The following NEXMIF variants were observed in gnomAD, a reference collection of about 807,000 sequenced individuals.
NEXMIF encodes the protein neurite extension and migration factor.
Under a neutral mutation model 62.1 loss-of-function variants are expected in NEXMIF, and 8 were observed. That is an observed-to-expected ratio of 0.13 (90% CI 0.08 to 0.23). NEXMIF has a LOEUF of 0.23. Ranked by LOEUF, NEXMIF falls within the 10% of genes least tolerant of loss-of-function variation. NEXMIF has a pLI of 1.00. For synonymous variants in NEXMIF, 404 were observed against 416.6 expected (o/e 0.97, Z 0.37); for missense variants, 976 against 1,113.3 (o/e 0.88, Z 1.75).
intron 1 of NEXMIF, among the ~76,000 whole-genome samples, chrX:74,918,363 A>G (rs905317701): frequency 8.9e-6 from 1 of 112,134 alleles, no homozygotes; most frequent in African/African-American, 3.2e-5. Flanking sequence ...GCACATCTTC[A>G]GGATGTGTTC....
In NEXMIF at chrX:74,733,496, A is replaced by G. The variant is rs1237610370; in HGVS notation, c.*5909T>C. 6 of 112,299 alleles carry G rather than the reference A, an allele frequency of 5.3e-5. No homozygotes were observed. The highest frequency in any genetic ancestry group is 1.1e-4 in the Non-Finnish European group (6 of 53,239). 9.3% of individuals were successfully genotyped at this position (112,299 alleles called of 1,213,427 possible). On this transcript the variant is annotated 3_prime_UTR_variant, in exon 4 of 4. Transcript: ENST00000055682. The stretch of plus-strand genomic sequence containing the variant: ...AGTTTGAGAAACACTGCTCTAGATG[A>G]TAAAGAACGTTTTATTTGGGACATA...
At chrX:74,910,126 A>G (rs976531308) in intron 1 of NEXMIF, among the ~76,000 whole-genome samples, 1 of 112,028 alleles carries the variant, frequency 8.9e-6, no homozygotes, top group Non-Finnish European at 1.9e-5. Context: ...GAAGAGGCCC[A>G]CCATCCTCCA....
At chrX:74,815,105 T>C (rs2080371931) in intron 1 of NEXMIF, among the ~76,000 whole-genome samples, 1 of 112,716 alleles carries the variant, frequency 8.9e-6, no homozygotes, top group South Asian at 3.6e-4. Context: ...GACACATAGG[T>C]ATGTAATTAA....
intron 1 of NEXMIF, among the ~76,000 whole-genome samples, chrX:74,802,431 G>A (rs1211335161): frequency 9.0e-6 from 1 of 111,033 alleles, no homozygotes; most frequent in Admixed American, 9.6e-5. Context: ...GTAATCCAGA[G>A]AATTCTTTCA....
Position 74,740,231 on chromosome X carries a change from C to T in NEXMIF, c.4326G>A (p.Pro1442=), listed in dbSNP as rs141163613. The stretch of plus-strand genomic sequence containing the variant: ...TGTGACGATACAACTTTTTGTGTGT[C>T]GGTCCGTTATTGCCTAAAGTGCTCA... ...SNMSTLGNNG[P]THKKLYRHKS... The change falls in exon 3 of 4, where the codon CCG becomes CCA. Residue 1442 remains proline, a synonymous_variant. Coordinates refer to ENST00000055682, the MANE Select transcript of NEXMIF (RefSeq NM_001008537.3). 2.9e-5 allele frequency: 35 copies of T among 1,209,389 alleles called. No individual in the cohort carries two copies. Among genetic ancestry groups the T allele is most frequent in the Middle Eastern group, 2.3e-4 (1 of 4,349 alleles).
At chrX:74,769,502 G>T in intron 1 of NEXMIF, 1 of 336,830 alleles carries the variant, frequency 3.0e-6, no homozygotes, top group East Asian at 4.8e-5. Flanking sequence ...AGAAACTACA[G>T]AGAAATAAAG....
intron 1 of NEXMIF, among the ~76,000 whole-genome samples, chrX:74,875,668 C>A (rs961863144): frequency 8.9e-6 from 1 of 111,750 alleles, no homozygotes; most frequent in African/African-American, 3.3e-5. Context: ...GCTACAATTT[C>A]CGAGCGTGTT....
chrX:74,759,734 C>G (rs888286184), intron 1 of NEXMIF, among the ~76,000 whole-genome samples: 1 of 110,919 alleles, frequency 9.0e-6, no homozygotes, highest in Non-Finnish European at 1.9e-5. Flanking sequence ...CCTTTTCTGT[C>G]CCATTGGTAT....
At chrX:74,855,602 G>T (rs1026569122) in intron 1 of NEXMIF, among the ~76,000 whole-genome samples, 1 of 111,638 alleles carries the variant, frequency 9.0e-6, no homozygotes, top group African/African-American at 3.3e-5. Flanking sequence ...CTCGAGGCTG[G>T]GTGCATGCAC....
intron 1 of NEXMIF, among the ~76,000 whole-genome samples, chrX:74,809,926 C>T (rs563567166): frequency 5.4e-5 from 6 of 111,276 alleles, no homozygotes; most frequent in Admixed American, 9.6e-5. Context: ...CAGTGGAACC[C>T]GGGAAACTCA....
At chrX:74,889,714 T>C (rs1488623414) in intron 1 of NEXMIF, among the ~76,000 whole-genome samples, 1 of 110,312 alleles carries the variant, frequency 9.1e-6, no homozygotes, top group Non-Finnish European at 1.9e-5. Flanking sequence ...ATAAGGACTG[T>C]GAAAGTGATA....
At chrX:74,796,067 T>C (rs1468995256) in intron 1 of NEXMIF, among the ~76,000 whole-genome samples, 3 of 89,450 alleles carry the variant, frequency 3.4e-5, no homozygotes, top group African/African-American at 1.2e-4. Flanking sequence ...AGTATTGGAT[T>C]AGAGTTAGAG....
intron 1 of NEXMIF, among the ~76,000 whole-genome samples, chrX:74,862,790 G>A (rs1175386796): frequency 2.7e-5 from 3 of 111,480 alleles, no homozygotes; most frequent in Non-Finnish European, 3.8e-5. Flanking sequence ...TGAAACCAAC[G>A]AGAACAAACA....
intron 1 of NEXMIF, among the ~76,000 whole-genome samples, chrX:74,769,148 C>T (rs941466035): frequency 1.8e-5 from 2 of 109,852 alleles, no homozygotes; most frequent in Non-Finnish European, 3.8e-5. Context: ...AATTAAGATA[C>T]ATGCAAACTG....
At chrX:74,857,612 A>G (rs1463365141) in intron 1 of NEXMIF, among the ~76,000 whole-genome samples, 2 of 110,470 alleles carry the variant, frequency 1.8e-5, no homozygotes, top group African/African-American at 6.6e-5. Flanking sequence ...ATAGTGAGAG[A>G]CTCCTGCTTG....
At chrX:74,878,141 T>A (rs773988803) in intron 1 of NEXMIF, among the ~76,000 whole-genome samples, 38 of 111,648 alleles carry the variant, frequency 3.4e-4, no homozygotes, top group African/African-American at 1.1e-3. Context: ...TGGTCTTTGA[T>A]GATGGTGATG....
At chrX:74,752,860 T>C (rs932319204) in intron 1 of NEXMIF, among the ~76,000 whole-genome samples, 1 of 111,854 alleles carries the variant, frequency 8.9e-6, no homozygotes, top group Admixed American at 9.5e-5. Context: ...AAGAGTATAA[T>C]CACTGTTTCT....
intron 1 of NEXMIF, among the ~76,000 whole-genome samples, chrX:74,906,705 C>T (rs2080770275): frequency 9.0e-6 from 1 of 110,697 alleles, no homozygotes; most frequent in Non-Finnish European, 1.9e-5. Context: ...TATTCCCTCA[C>T]AGTACTTAGC....
intron 1 of NEXMIF, among the ~76,000 whole-genome samples, chrX:74,916,714 C>A (rs937951724): frequency 9.0e-6 from 1 of 111,637 alleles, no homozygotes; most frequent in Non-Finnish European, 1.9e-5. Context: ...TACTCAGTTT[C>A]AGGCATTCCA....
Sources: gnomAD v4.1 joint callset for allele counts (sites outside exome capture counted in the v4.1 genomes callset) on GRCh38, gnomAD v4.1.1 for gene constraint, MANE v1.5 for transcripts, NCBI Gene and HGNC (gene_info 2026-07-23, HGNC 2026-07-21) for gene names.